Variants in RGPD3 observed in about 807,000 individuals in gnomAD.
The protein encoded by RGPD3 is ranBP2-like and GRIP domain-containing protein 3.
In RGPD3, 62 loss-of-function variants were observed where a neutral mutation model predicts 154.5. The observed-to-expected ratio is 0.40, with a 90% CI of 0.33 to 0.50. The LOEUF (loss-of-function observed/expected upper bound fraction) is 0.50, where lower values mean the gene tolerates loss of function less well. RGPD3 is among the 20% of genes least tolerant of loss of function. The pLI is 0.59. For synonymous variants in RGPD3, 308 were observed against 607.0 expected (o/e 0.51, Z 7.24); for missense variants, 919 against 1,716.8 (o/e 0.54, Z 8.21).
chr2:106,460,233 T>C (rs945513413), intron 1 of RGPD3, among the ~76,000 whole-genome samples: 15 of 137,368 alleles, frequency 1.1e-4, no homozygotes, highest in Non-Finnish European at 3.1e-5. Flanking sequence ...CTTGGAAATC[T>C]TGGAAACCCT....
intron 19 of RGPD3, among the ~76,000 whole-genome samples, 169 bp downstream of exon 19, chr2:106,425,824 TA>T (rs1185608782): frequency 1.3e-5 from 1 of 78,532 alleles, no homozygotes; most frequent in African/African-American, 5.0e-5. Flanking sequence ...AACACAAAAA[TA>T]AGGTGACTAA....
rs779731415 is a variant in RGPD3, at chr2:106,424,645, C to G, written c.3322G>C (p.Val1108Leu). The G allele has an allele frequency of 3.7e-6, 6 of 1,611,994 alleles. No individual in the cohort carries two copies. In the South Asian group the frequency reaches 5.5e-5, roughly 15 times the overall value. Residue 1108 changes from valine (V) to leucine (L), a missense_variant, in exon 20 of 23, where the codon GTG becomes CTG. Transcript: ENST00000409886. Reference protein sequence around the residue: ...MLMQREQVLKVCANHWITTTM... With the variant: ...MLMQREQVLKLCANHWITTTM... ...GTCGTTATCCAATGATTAGCACACA[C>G]TTTTAGTACTTGTTCTCTTTGCATC...
rs776902904 is a variant in RGPD3, at chr2:106,424,651, G to T, written c.3316C>A (p.Leu1106Ile). The change falls in exon 20 of 23, where the codon CTA (leucine) becomes ATA (isoleucine). Residue 1106 changes from leucine (L) to isoleucine (I), a missense_variant. By Grantham distance (5) the Leu-to-Ile change is conservative (BLOSUM62 2). Coordinates refer to ENST00000409886, the MANE Select transcript of RGPD3 (RefSeq NM_001144013.2). Reference sequence around the variant, plus strand: ...ATCCAATGATTAGCACACACTTTTAGTACTTGTTCTCTTTGCATCAGCATT... The same window carrying T: ...ATCCAATGATTAGCACACACTTTTATTACTTGTTCTCTTTGCATCAGCATT... The part of the protein sequence containing the change: ...VRMLMQREQV[L>I]KVCANHWITT... 9.1e-5 allele frequency: 146 copies of T among 1,611,864 alleles called. No homozygotes were observed. The highest frequency in any genetic ancestry group is 1.2e-4 in the Non-Finnish European group (141 of 1,179,866).
At chr2:106,470,905 C>A, upstream of RGPD3, 6 of 1,578,798 alleles carry the variant, frequency 3.8e-6, no homozygotes, top group South Asian at 4.7e-5. Flanking sequence ...AGAGAGGGAG[C>A]TGGCAGTCCA....
intron 1 of RGPD3, among the ~76,000 whole-genome samples, chr2:106,466,182 G>T (rs1387370289): frequency 2.0e-5 from 3 of 152,196 alleles, no homozygotes; most frequent in South Asian, 2.1e-4. Context: ...GGAACAAGCC[G>T]GGAGAAAGAG....
intron 17 of RGPD3, among the ~76,000 whole-genome samples, chr2:106,430,101 C>A (rs1243533686): frequency 6.7e-6 from 1 of 150,106 alleles, no homozygotes; most frequent in Admixed American, 6.6e-5. Flanking sequence ...CCAGGCTAGT[C>A]TTGAACTCCT....
rs1676816096 is a variant in RGPD3 at position 106,415,974 on chromosome 2, T to C, written c.4940A>G (p.Tyr1647Cys). The change falls in exon 21 of 23, where the codon TAT becomes TGT. Residue 1647 changes from tyrosine to cysteine, a missense_variant. Physicochemically the swap from Tyr to Cys is radical, Grantham distance 194. Coordinates refer to ENST00000409886, the MANE Select transcript of RGPD3 (RefSeq NM_001144013.2). ...CAATTCTTCTTTAGTAAATTCAGCATACCATAATGGAGGCTCTGCAACATG... is the reference window on the plus strand; with the variant it reads ...CAATTCTTCTTTAGTAAATTCAGCACACCATAATGGAGGCTCTGCAACATG... ...KTPEKEPPLWYAEFTKEELVQ... is the reference protein window; with the variant it reads ...KTPEKEPPLWCAEFTKEELVQ... 1.9e-6 allele frequency: 3 copies of C among 1,611,812 alleles called. No individual in the cohort carries two copies. The highest frequency in any genetic ancestry group is 2.2e-5 in the South Asian group (2 of 90,968).
intron 4 of RGPD3, among the ~76,000 whole-genome samples, chr2:106,455,153 G>A (rs1307459352): frequency 1.3e-5 from 2 of 152,160 alleles, no homozygotes; most frequent in Admixed American, 1.3e-4. Context: ...GGGCGACAGA[G>A]CAAGACTCTG....
intron 9 of RGPD3, among the ~76,000 whole-genome samples, chr2:106,437,515 A>G (rs531661232): frequency 8.5e-5 from 13 of 152,246 alleles, no homozygotes; most frequent in African/African-American, 2.7e-4. Flanking sequence ...CTGTCTCAAA[A>G]AAAAGAAAAG....
rs375590888 is a variant in RGPD3, at chr2:106,446,666, A to C, written c.978+752T>G. Among the ~76,000 whole-genome samples, 9 of 147,328 alleles carry C rather than the reference A, an allele frequency of 6.1e-5. No individual in the cohort carries two copies. In the East Asian group the frequency reaches 2.0e-3, roughly 32 times the overall value. ...GGGAGACCAAGGCAGGTAGATCACG[A>C]GGTCAAGAGATTGCGACCATCCTGG... On this transcript the variant is annotated intron_variant, in intron 7 of 22. Transcript: ENST00000409886.
rs571157762 is a variant in RGPD3, at chr2:106,410,235, G to T, written c.5266+2849C>A. On this transcript the variant is annotated intron_variant, in intron 22 of 22. Coordinates refer to ENST00000409886, the MANE Select transcript of RGPD3 (RefSeq NM_001144013.2). ...TCTAAATCTGCTGCTAAACCATCATGGTTTTTAATTATAATAAGGTCTCTT... is the reference window on the plus strand; with the variant it reads ...TCTAAATCTGCTGCTAAACCATCATTGTTTTTAATTATAATAAGGTCTCTT... Among the ~76,000 whole-genome samples, 1,075 of 152,152 alleles carry T rather than the reference G, an allele frequency of 7.1e-3. 9 individuals are homozygous for T. Among genetic ancestry groups the T allele is most frequent in the Non-Finnish European group, 0.011 (738 of 68,010 alleles).
intron 7 of RGPD3, among the ~76,000 whole-genome samples, chr2:106,442,878 A>G (rs1203884025): frequency 7.3e-6 from 1 of 137,190 alleles, no homozygotes; most frequent in Non-Finnish European, 1.6e-5. Flanking sequence ...ATTTGGCAAC[A>G]GCTCTAAAAA....
Position 106,417,817 on chromosome 2 carries a change from G to T in RGPD3, c.4925-1828C>A, listed in dbSNP as rs570362285. ...ATAAGTGAAAGGTGTATGAAGAATT[G>T]CTAAAACATTTCTTAAAATTTAGTC... On this transcript the variant is annotated intron_variant, in intron 20 of 22. Transcript: ENST00000409886. 8.9e-4 allele frequency among the ~76,000 whole-genome samples: 135 copies of T among 151,530 alleles called. 2 individuals are homozygous for T. The Middle Eastern group carries it at 0.017, about 19-fold the overall frequency.
intron 21 of RGPD3, among the ~76,000 whole-genome samples, chr2:106,413,937 C>T (rs1676745861): frequency 6.6e-6 from 1 of 152,262 alleles, no homozygotes; most frequent in African/African-American, 2.4e-5. Flanking sequence ...GAAACTAAGC[C>T]AGTATGGCAT....
At chr2:106,412,304 T>G (rs1197195892) in intron 22 of RGPD3, among the ~76,000 whole-genome samples, 265 of 70,640 alleles carry the variant, frequency 3.8e-3, no homozygotes, top group African/African-American at 0.012. Flanking sequence ...TTTTTTTTTT[T>G]TTTTTTTTTT....
chr2:106,404,350 G>C lies in RGPD3; in HGVS notation c.*869C>G, dbSNP rs1282234832. Among the ~76,000 whole-genome samples, 3 of 149,408 alleles carry C rather than the reference G, an allele frequency of 2.0e-5. No homozygotes were observed. The highest frequency in any genetic ancestry group is 3.0e-5 in the Non-Finnish European group (2 of 67,294). On this transcript the variant is annotated 3_prime_UTR_variant, in exon 23 of 23. Transcript: ENST00000409886. ...TGGTGGGCCCACCTATTCATAGTCAGTGTTACACTAGCCAGCTCTAGGGCT... is the reference window on the plus strand; with the variant it reads ...TGGTGGGCCCACCTATTCATAGTCACTGTTACACTAGCCAGCTCTAGGGCT...
chr2:106,430,449 A>G (rs1677336528), intron 17 of RGPD3, among the ~76,000 whole-genome samples: 1 of 139,960 alleles, frequency 7.1e-6, no homozygotes, highest in African/African-American at 2.6e-5. Context: ...TACAAACTAA[A>G]CTTCTTTCCC....
At chr2:106,446,569 CAAAAAAAAAA>C (rs550745664) in intron 7 of RGPD3, among the ~76,000 whole-genome samples, 1 of 20,552 alleles carries the variant, frequency 4.9e-5, no homozygotes, top group East Asian at 2.0e-3. Context: ...GACTCCATCT[CAAAAAAAAAA>C]AAAAAAAAAA....
rs531789899 is a variant in RGPD3, at chr2:106,440,354, C to T, written c.1066+939G>A. Among the ~76,000 whole-genome samples the T allele has an allele frequency of 1.0e-3, 154 of 150,144 alleles. 1 individual carries two copies. Among genetic ancestry groups the T allele is most frequent in the African/African-American group, 3.7e-3 (150 of 40,392 alleles). ...TCTGCTGGGCAATTAGGTTTGGTTA[C>T]CACTACACAGTTGTGTCTCAGCACA... On this transcript the variant is annotated intron_variant, in intron 8 of 22. Coordinates refer to ENST00000409886, the MANE Select transcript of RGPD3 (RefSeq NM_001144013.2).
Sources: gnomAD v4.1 joint callset for allele counts (sites outside exome capture counted in the v4.1 genomes callset) on GRCh38, gnomAD v4.1.1 for gene constraint, MANE v1.5 for transcripts, NCBI Gene and HGNC (gene_info 2026-07-23, HGNC 2026-07-21) for gene names.